The following DLGAP2 variants were observed in gnomAD, a reference collection of about 807,000 sequenced individuals.
DLGAP2 encodes the protein DLG associated protein 2, also known as disks large-associated protein 2.
Under a neutral mutation model 100.3 loss-of-function variants are expected in DLGAP2, and 26 were observed. The ratio of observed to expected loss-of-function variants is 0.26; its 90% CI spans 0.19 to 0.36. DLGAP2 has a LOEUF of 0.36. Ranked by LOEUF, DLGAP2 falls within the 10% of genes least tolerant of loss-of-function variation. The probability of loss-of-function intolerance (pLI) is 1.00; values close to 1 mark genes in which losing one functional copy is unlikely to be tolerated. For synonymous variants in DLGAP2, 886 were observed against 630.1 expected, an observed-to-expected ratio of 1.41 and a Z score of -6.08; for missense variants, 1,858 against 1,453.2, an observed-to-expected ratio of 1.28 and a Z score of -4.53.
chr8:1,250,139 A>G (rs13269349), intron 2 of DLGAP2, among the ~76,000 whole-genome samples: 116,839 of 151,948 alleles, frequency 0.77, 45,515 homozygotes, highest in Middle Eastern at 0.88. Flanking sequence ...TCAGCCTCCC[A>G]CAGTGCTGGG....
At chr8:935,474 T>C (rs1799049829) in intron 2 of DLGAP2, among the ~76,000 whole-genome samples, 1 of 152,256 alleles carries the variant, frequency 6.6e-6, no homozygotes, top group Non-Finnish European at 1.5e-5. Flanking sequence ...ATATTTTGCA[T>C]ATGTTGGATT....
intron 2 of DLGAP2, among the ~76,000 whole-genome samples, chr8:1,168,143 G>A (rs1343061101): frequency 2.7e-5 from 4 of 147,416 alleles, no homozygotes; most frequent in East Asian, 2.0e-4. Context: ...TTGGTTTTTT[G>A]TTCTTGCCAT....
At chr8:1,040,728 T>C (rs1802321780) in intron 2 of DLGAP2, among the ~76,000 whole-genome samples, 1 of 152,186 alleles carries the variant, frequency 6.6e-6, no homozygotes, top group African/African-American at 2.4e-5. Context: ...ATTTCTGTGG[T>C]CAGCTCCGTT....
chr8:891,688 C>T (rs1798038530), intron 1 of DLGAP2: 1 of 152,278 alleles, frequency 6.6e-6, no homozygotes. Context: ...TAAATAGGAC[C>T]CTTGAGAAAG....
intron 3 of DLGAP2, chr8:1,379,622 A>T (rs1796044524): frequency 6.6e-6 from 1 of 152,214 alleles, no homozygotes; most frequent in Admixed American, 6.5e-5. Flanking sequence ...TTTGTCACAT[A>T]GAGTTGGGAA....
chr8:1,668,236 C>T (rs1798593884), intron 8 of DLGAP2, 93 bp from the exon 9 acceptor site: 9 of 1,223,694 alleles, frequency 7.4e-6, no homozygotes, highest in Admixed American at 3.1e-5. Context: ...AGACTTGCTC[C>T]GTCAACCACA....
intron 2 of DLGAP2, among the ~76,000 whole-genome samples, chr8:1,219,057 A>G (rs978300343): frequency 3.3e-5 from 5 of 152,210 alleles, no homozygotes; most frequent in Admixed American, 1.3e-4. Flanking sequence ...ATAGAATCAT[A>G]TAGTCTAAAG....
chr8:761,097 G>A (rs1821071839), intron 1 of DLGAP2, among the ~76,000 whole-genome samples: 2 of 152,164 alleles, frequency 1.3e-5, no homozygotes, highest in South Asian at 4.1e-4. Flanking sequence ...CTCTCTGCAC[G>A]TCGCTTGTGT....
intron 2 of DLGAP2, among the ~76,000 whole-genome samples, chr8:1,233,621 G>A (rs1798582534): frequency 6.6e-6 from 1 of 150,582 alleles, no homozygotes; most frequent in Non-Finnish European, 1.5e-5. Context: ...GCCCAGCTCT[G>A]GGTCCAATGG....
intron 2 of DLGAP2, among the ~76,000 whole-genome samples, chr8:1,083,713 T>C (rs140964004): frequency 4.5e-4 from 68 of 152,300 alleles, no homozygotes; most frequent in African/African-American, 1.4e-3. Context: ...AAGTAGATCA[T>C]TTGAAAGCAT....
intron 2 of DLGAP2, among the ~76,000 whole-genome samples, chr8:1,000,541 G>T (rs1488486627): frequency 6.6e-6 from 1 of 152,120 alleles, no homozygotes; most frequent in Non-Finnish European, 1.5e-5. Context: ...GGACAGATCT[G>T]GGTGGGGTGG....
chr8:1,051,931 C>T (rs1802725746), intron 2 of DLGAP2, among the ~76,000 whole-genome samples: 1 of 152,132 alleles, frequency 6.6e-6, no homozygotes, highest in Non-Finnish European at 1.5e-5. Context: ...AGCTTAAATG[C>T]ACCATCTATA....
At chr8:1,332,153 G>A (rs1398405756) in intron 3 of DLGAP2, among the ~76,000 whole-genome samples, 1 of 152,224 alleles carries the variant, frequency 6.6e-6, no homozygotes, top group African/African-American at 2.4e-5. Flanking sequence ...ATGGGGGTGT[G>A]TGTGAGTGTG....
chr8:1,050,413 G>A (rs147321672), intron 2 of DLGAP2, among the ~76,000 whole-genome samples: 1 of 152,154 alleles, frequency 6.6e-6, no homozygotes, highest in Non-Finnish European at 1.5e-5. Flanking sequence ...GGTGGCTTTT[G>A]CCCACTGTAA....
chr8:1,567,765 C>T (rs974859791), intron 6 of DLGAP2, among the ~76,000 whole-genome samples: 2 of 152,222 alleles, frequency 1.3e-5, no homozygotes, highest in Non-Finnish European at 2.9e-5. Flanking sequence ...GTAGTTGAAA[C>T]TCTTCAAAAA....
chr8:1,701,342 A>T lies in DLGAP2; in HGVS notation c.3104A>T (p.Asn1035Ile), dbSNP rs750888359. 3 of 1,594,986 alleles carry T rather than the reference A, an allele frequency of 1.9e-6. No individual in the cohort carries two copies. Among genetic ancestry groups the T allele is most frequent in the South Asian group, 1.1e-5 (1 of 87,982 alleles). Residue 1035 changes from asparagine to isoleucine, a missense_variant, in exon 15 of 15, where the codon AAT (asparagine) becomes ATT (isoleucine). By Grantham distance (149) the Asn-to-Ile change is moderately radical. Coordinates refer to ENST00000637795, the MANE Select transcript of DLGAP2 (RefSeq NM_001346810.2). ...AAKRAASFRQNSASERADSIE... is the reference protein window; with the variant it reads ...AAKRAASFRQISASERADSIE... The stretch of plus-strand genomic sequence containing the variant: ...AAGCGAGCGGCGTCCTTCCGGCAGA[A>T]TTCCGCCTCCGAGCGCGCGGACAGC...
intron 1 of DLGAP2, among the ~76,000 whole-genome samples, chr8:748,696 C>T (rs1820714949): frequency 6.6e-6 from 1 of 152,344 alleles, no homozygotes; most frequent in Admixed American, 6.5e-5. Context: ...CTCGTGGTGG[C>T]ACACAGGTGT....
At chr8:932,428 A>G (rs1048887116) in intron 2 of DLGAP2, among the ~76,000 whole-genome samples, 6 of 152,240 alleles carry the variant, frequency 3.9e-5, no homozygotes, top group African/African-American at 1.4e-4. Context: ...GTTAAATAAA[A>G]CTAGAGATGT....
At chr8:1,029,858 G>T (rs554653586) in intron 2 of DLGAP2, among the ~76,000 whole-genome samples, 1 of 152,220 alleles carries the variant, frequency 6.6e-6, no homozygotes, top group African/African-American at 2.4e-5. Context: ...AGCTGGGGAA[G>T]GCAAGAGCTT....
Sources: gnomAD v4.1 joint callset for allele counts (sites outside exome capture counted in the v4.1 genomes callset) on GRCh38, gnomAD v4.1.1 for gene constraint, MANE v1.5 for transcripts, NCBI Gene and HGNC (gene_info 2026-07-23, HGNC 2026-07-21) for gene names.